ATL1: variants seen among roughly 807,000 people sequenced by gnomAD.
ATL1 encodes atlastin-1.
In ATL1, 31 loss-of-function variants were observed where a neutral mutation model predicts 75.5. That is an observed-to-expected ratio of 0.41 (90% confidence interval 0.31 to 0.55). The LOEUF (loss-of-function observed/expected upper bound fraction) is 0.55, where lower values mean the gene tolerates loss of function less well. Ranked by LOEUF, ATL1 falls within the 20% of genes least tolerant of loss-of-function variation. The pLI is 0.27. For synonymous variants in ATL1, 226 were observed against 233.3 expected, an observed-to-expected ratio of 0.97 and a Z score of 0.28; for missense variants, 405 against 662.6, an observed-to-expected ratio of 0.61 and a Z score of 4.27.
chr14:50,576,914 T>C (rs1049048559), intron 1 of ATL1, among the ~76,000 whole-genome samples: 2 of 151,982 alleles, frequency 1.3e-5, no homozygotes, highest in East Asian at 1.9e-4. Flanking sequence ...ATTGTGTATA[T>C]AATATATAGT....
At chr14:50,561,511 G>A (rs574837078) in intron 1 of ATL1, among the ~76,000 whole-genome samples, 1 of 152,292 alleles carries the variant, frequency 6.6e-6, no homozygotes, top group Non-Finnish European at 1.5e-5. Flanking sequence ...TTCTATAACT[G>A]TTTATTTGAG....
chr14:50,630,292 C>A (rs149893812), intron 13 of ATL1, among the ~76,000 whole-genome samples: 12 of 152,282 alleles, frequency 7.9e-5, no homozygotes, highest in African/African-American at 2.6e-4. Flanking sequence ...AATTCTTAAG[C>A]TCTGAAATGG....
chr14:50,575,804 A>G (rs538874127), intron 1 of ATL1, among the ~76,000 whole-genome samples: 26 of 152,246 alleles, frequency 1.7e-4, no homozygotes, highest in African/African-American at 6.0e-4. Flanking sequence ...ACACTTCCAC[A>G]ACATTTCTAG....
At chr14:50,605,794 T>C (rs762991762) in intron 6 of ATL1, among the ~76,000 whole-genome samples, 1 of 152,226 alleles carries the variant, frequency 6.6e-6, no homozygotes, top group East Asian at 1.9e-4. Context: ...TTAAGTGAAC[T>C]AGTTGGAACA....
At chr14:50,607,187 A>G (rs2039323526) in intron 6 of ATL1, among the ~76,000 whole-genome samples, 1 of 152,092 alleles carries the variant, frequency 6.6e-6, no homozygotes, top group South Asian at 2.1e-4. Context: ...TAAGAGTCAC[A>G]GAGGATGCTG....
chr14:50,588,170 T>C, intron 2 of ATL1, 92 bp downstream of exon 2: 1 of 1,481,634 alleles, frequency 6.7e-7, no homozygotes, highest in Non-Finnish European at 9.3e-7. Flanking sequence ...TTCATTTCTA[T>C]TATTATGTAC....
At chr14:50,616,864 G>C (rs1466390992) in intron 8 of ATL1, among the ~76,000 whole-genome samples, 1 of 152,124 alleles carries the variant, frequency 6.6e-6, no homozygotes, top group Non-Finnish European at 1.5e-5. Context: ...GGGCAGTTTT[G>C]AAAGTCTGCT....
intron 6 of ATL1, among the ~76,000 whole-genome samples, chr14:50,609,016 G>A (rs2039339318): frequency 6.6e-6 from 1 of 151,902 alleles, no homozygotes; most frequent in South Asian, 2.1e-4. Context: ...CCATCTTATG[G>A]GAGCAAGAAA....
At position 50,572,677 on chromosome 14, in the gene ATL1, C is replaced by T. The variant is rs77521204; in HGVS notation, c.34+12378C>T. 8.1e-3 allele frequency among the ~76,000 whole-genome samples: 1,225 copies of T among 152,020 alleles called. 9 individuals carry two copies. Among genetic ancestry groups the T allele is most frequent in the African/African-American group, 0.027 (1,133 of 41,490 alleles). On this transcript the variant is annotated intron_variant, in intron 1 of 13. Coordinates refer to ENST00000358385, the MANE Select transcript of ATL1 (RefSeq NM_015915.5). The stretch of plus-strand genomic sequence containing the variant: ...AACTTAAGAAGTTGGATACTGAGCT[C>T]GTACATTTTCAGCTTTTCTTCTTTT...
chr14:50,552,388 C>G (rs946800097), intron 1 of ATL1, among the ~76,000 whole-genome samples: 20 of 152,296 alleles, frequency 1.3e-4, no homozygotes, highest in African/African-American at 4.3e-4. Flanking sequence ...AATGGAAACA[C>G]ATCCCATGCT....
intron 12 of ATL1, among the ~76,000 whole-genome samples, chr14:50,629,583 CAAA>C (rs1179543983): frequency 8.9e-6 from 1 of 112,904 alleles, no homozygotes; most frequent in Non-Finnish European, 2.0e-5. Context: ...CTCCATCTCC[CAAA>C]AAAAAAAAAA....
chr14:50,588,145 A>G (rs912921540), intron 2 of ATL1, 67 bp downstream of exon 2: 18 of 1,594,162 alleles, frequency 1.1e-5, no homozygotes, highest in African/African-American at 2.7e-5. Context: ...TTTTTATTTC[A>G]TGGTGTTCAA....
chr14:50,601,778 C>G (rs1006780066), intron 6 of ATL1, among the ~76,000 whole-genome samples: 2 of 152,164 alleles, frequency 1.3e-5, no homozygotes, highest in Non-Finnish European at 2.9e-5. Context: ...TATAAAATAA[C>G]TAGGTTCTTT....
At chr14:50,614,566 C>A in intron 8 of ATL1, 55 bp downstream of exon 8, 4 of 1,562,882 alleles carry the variant, frequency 2.6e-6, no homozygotes, top group East Asian at 2.3e-5. Flanking sequence ...ATAAAAATGT[C>A]ATTTTATCTA....
intron 1 of ATL1, among the ~76,000 whole-genome samples, chr14:50,534,966 TATGTC>T (rs375938216): frequency 6.2e-4 from 94 of 152,360 alleles, no homozygotes; most frequent in African/African-American, 2.1e-3. Flanking sequence ...ATATGTTAGT[TATGTC>T]ATGGTAACTG....
intron 6 of ATL1, among the ~76,000 whole-genome samples, chr14:50,610,421 C>G (rs977256099): frequency 6.6e-6 from 1 of 151,998 alleles, no homozygotes; most frequent in Non-Finnish European, 1.5e-5. Context: ...ATGAAAGCAA[C>G]AGAAGATATG....
upstream of ATL1, chr14:50,559,794 T>G (rs1189940698): frequency 6.3e-6 from 1 of 159,778 alleles, no homozygotes; most frequent in Non-Finnish European, 1.4e-5. Flanking sequence ...TTAGCTACTT[T>G]GGCTATATAA....
At chr14:50,625,167 T>G (rs1011331396) in intron 11 of ATL1, among the ~76,000 whole-genome samples, 2 of 152,282 alleles carry the variant, frequency 1.3e-5, no homozygotes, top group South Asian at 2.1e-4. Context: ...AGCTTTAGTT[T>G]GGATAGAAAA....
chr14:50,614,397 C>G lies in ATL1; in HGVS notation c.748C>G (p.Leu250Val). Residue 250 changes from leucine to valine, a missense_variant, in exon 8 of 14, where the codon CTA (leucine) becomes GTA (valine). Around this residue, in one of 5 missense-constraint regions of ATL1, gnomAD observed 59 missense variants for 161.4 expected, o/e 0.37. Coordinates refer to ENST00000358385, the MANE Select transcript of ATL1 (RefSeq NM_015915.5). ...GGTCTCAGGGAACCAGCATGAAGAA[C>G]TACAGAACGTCAGAAAACACATCCA... ...LKVSGNQHEE[L>V]QNVRKHIHSC... is the part of the protein sequence containing the mutation. 3 of 1,614,062 alleles carry G rather than the reference C, an allele frequency of 1.9e-6. No homozygotes were observed. Among genetic ancestry groups the G allele is most frequent in the Non-Finnish European group, 2.5e-6 (3 of 1,179,942 alleles).
Sources: gnomAD v4.1 joint callset for allele counts (sites outside exome capture counted in the v4.1 genomes callset) on GRCh38, gnomAD v4.1.1 for gene constraint, gnomAD v4.1.1 regional missense constraint, MANE v1.5 for transcripts, NCBI Gene and HGNC (gene_info 2026-07-23, HGNC 2026-07-21) for gene names.